ESRRG: variants seen among roughly 807,000 people sequenced by gnomAD.
The protein encoded by ESRRG is estrogen-related receptor gamma.
ESRRG carries 13 observed loss-of-function variants against 44.0 expected under a neutral mutation model. The observed-to-expected ratio is 0.30, with a 90% CI of 0.19 to 0.47. The LOEUF (loss-of-function observed/expected upper bound fraction) is 0.47. ESRRG is among the 20% of genes least tolerant of loss of function. The probability of loss-of-function intolerance (pLI) is 1.00; values close to 1 mark genes in which losing one functional copy is unlikely to be tolerated. For synonymous variants in ESRRG, 215 were observed against 214.6 expected (o/e 1.00, Z -0.02); for missense variants, 395 against 580.6 (o/e 0.68, Z 3.29).
chr1:216,707,161 T>C (rs913741623), intron 1 of ESRRG, among the ~76,000 whole-genome samples: 1 of 152,222 alleles, frequency 6.6e-6, no homozygotes, highest in African/African-American at 2.4e-5. Flanking sequence ...ATAAACCTTC[T>C]AGAGTTCAAA....
chr1:216,675,175 A>G (rs1191048035), intron 2 of ESRRG, among the ~76,000 whole-genome samples: 2 of 152,020 alleles, frequency 1.3e-5, no homozygotes, highest in Non-Finnish European at 2.9e-5. Context: ...AGCCTGGCCA[A>G]TGTGGTGAAA....
chr1:216,541,606 GT>G (rs1558373264), intron 5 of ESRRG, among the ~76,000 whole-genome samples: 48 of 130,588 alleles, frequency 3.7e-4, no homozygotes, highest in African/African-American at 9.6e-4. Flanking sequence ...GTGTGTGTGT[GT>G]ATGTGATCAG....
intron 2 of ESRRG, among the ~76,000 whole-genome samples, chr1:216,769,480 A>T (rs1282214335): frequency 6.6e-6 from 1 of 152,102 alleles, no homozygotes; most frequent in African/African-American, 2.4e-5. Context: ...AAAGGCCTCA[A>T]CTTCTAAGCT....
intron 2 of ESRRG, among the ~76,000 whole-genome samples, chr1:216,802,557 C>T (rs936106534): frequency 6.6e-6 from 1 of 152,112 alleles, no homozygotes; most frequent in African/African-American, 2.4e-5. Context: ...CTTGTTGAAA[C>T]ATTATTCAGA....
chr1:216,620,654 A>G (rs769825772), intron 3 of ESRRG, among the ~76,000 whole-genome samples: 1 of 152,194 alleles, frequency 6.6e-6, no homozygotes, highest in Admixed American at 6.5e-5. Flanking sequence ...AACAAAATGA[A>G]TAAGGGGTTT....
chr1:216,850,961 G>A lies in ESRRG; in HGVS notation c.-14+88621C>T, dbSNP rs972819592. On this transcript the variant is annotated intron_variant, in intron 2 of 7. Transcript: ENST00000359162. Reference sequence around the variant, plus strand: ...ATGTTTTATCTTTCTGGAAGATACGGCCCTCTAGAAATGTGTGTCTAAGCA... The same window carrying A: ...ATGTTTTATCTTTCTGGAAGATACGACCCTCTAGAAATGTGTGTCTAAGCA... Among the ~76,000 whole-genome samples, 6 of 150,586 alleles carry A rather than the reference G, an allele frequency of 4.0e-5. No individual in the cohort carries two copies. The Admixed American group carries it at 4.0e-4, about 10-fold the overall frequency.
upstream of ESRRG, among the ~76,000 whole-genome samples, chr1:216,723,624 G>C (rs1378823964): frequency 6.6e-6 from 1 of 152,152 alleles, no homozygotes; most frequent in Non-Finnish European, 1.5e-5. Context: ...GAGCCGAAGG[G>C]GGCTGGAAAC....
chr1:216,776,226 A>G (rs1330876062), intron 2 of ESRRG, among the ~76,000 whole-genome samples: 1 of 152,068 alleles, frequency 6.6e-6, no homozygotes, highest in Non-Finnish European at 1.5e-5. Context: ...TTAATAACAA[A>G]CCATAATAAT....
At chr1:217,062,443 G>A (rs2088750588) in intron 1 of ESRRG, among the ~76,000 whole-genome samples, 1 of 152,146 alleles carries the variant, frequency 6.6e-6, no homozygotes, top group Non-Finnish European at 1.5e-5. Context: ...CAATTTCGGT[G>A]CAGTGAGGGG....
At chr1:216,818,521 T>TG (rs1019801742) in intron 2 of ESRRG, among the ~76,000 whole-genome samples, 1 of 152,146 alleles carries the variant, frequency 6.6e-6, no homozygotes, top group African/African-American at 2.4e-5. Flanking sequence ...ATGCCTGGCA[T>TG]GGTCCTCATC....
intron 1 of ESRRG, among the ~76,000 whole-genome samples, chr1:217,100,787 C>T (rs941424840): frequency 6.6e-6 from 1 of 152,154 alleles, no homozygotes. Context: ...CTTGGATGAA[C>T]TCAGAGTGAG....
chr1:216,568,943 A>G (rs1341931772), intron 3 of ESRRG, among the ~76,000 whole-genome samples: 1 of 151,722 alleles, frequency 6.6e-6, no homozygotes, highest in Non-Finnish European at 1.5e-5. Flanking sequence ...AATCCCAGCT[A>G]CTCGGGAGTC....
Position 216,937,682 on chromosome 1 carries a change from C to T in ESRRG, c.-14+1900G>A, listed in dbSNP as rs142005919. Among the ~76,000 whole-genome samples the T allele has an allele frequency of 1.9e-4, 29 of 152,264 alleles. 1 individual carries two copies. The highest frequency in any genetic ancestry group is 6.5e-4 in the African/African-American group (27 of 41,558). On this transcript the variant is annotated intron_variant, in intron 2 of 7. Coordinates refer to the ESRRG transcript ENST00000359162. ...AACCTCAGCACCCATCAAGTCTCTA[C>T]ACTCTTCAACTACTTCCTGCTGCTT... is the stretch of plus-strand genomic sequence containing the variant.
intron 5 of ESRRG, among the ~76,000 whole-genome samples, chr1:216,525,140 A>G (rs1314976937): frequency 1.3e-5 from 2 of 152,196 alleles, no homozygotes; most frequent in African/African-American, 4.8e-5. Flanking sequence ...CTAAGAAAAA[A>G]TATTTCAAGT....
At chr1:216,768,089 G>T (rs999524891) in intron 2 of ESRRG, among the ~76,000 whole-genome samples, 1 of 152,210 alleles carries the variant, frequency 6.6e-6, no homozygotes, top group South Asian at 2.1e-4. Context: ...CTGAAAGGAA[G>T]GGGTTATAAT....
intron 2 of ESRRG, among the ~76,000 whole-genome samples, chr1:216,840,778 G>T (rs1409525438): frequency 2.0e-5 from 3 of 152,100 alleles, no homozygotes; most frequent in African/African-American, 7.2e-5. Flanking sequence ...ACAGTGCATT[G>T]GTGGAGCACT....
At chr1:216,922,195 C>G (rs568755564) in intron 2 of ESRRG, among the ~76,000 whole-genome samples, 42 of 152,318 alleles carry the variant, frequency 2.8e-4, no homozygotes, top group African/African-American at 9.4e-4. Context: ...AAGGCTCTGA[C>G]TGTCACTTGA....
intron 1 of ESRRG, among the ~76,000 whole-genome samples, chr1:217,031,820 C>T (rs746939512): frequency 3.3e-5 from 5 of 152,198 alleles, no homozygotes; most frequent in Non-Finnish European, 7.3e-5. Context: ...CTTCCTGATG[C>T]CATGTGAAGA....
At chr1:216,945,540 ATT>A (rs11572475) in intron 1 of ESRRG, among the ~76,000 whole-genome samples, 3,030 of 152,202 alleles carry the variant, frequency 0.02, 98 homozygotes, top group African/African-American at 0.068. Context: ...CTCTATACCT[ATT>A]TATTTATTAT....
Sources: gnomAD v4.1 joint callset for allele counts (sites outside exome capture counted in the v4.1 genomes callset) on GRCh38, gnomAD v4.1.1 for gene constraint, MANE v1.5 for transcripts, NCBI Gene and HGNC (gene_info 2026-07-23, HGNC 2026-07-21) for gene names.